Variants in CLEC5A observed in about 807,000 individuals in gnomAD.
CLEC5A encodes C-type lectin domain containing 5A.
A neutral mutation model predicts 24.4 loss-of-function variants in CLEC5A; 15 were observed. That is an observed-to-expected ratio of 0.62 (90% CI 0.41 to 0.95). The LOEUF (loss-of-function observed/expected upper bound fraction) is 0.95, where lower values mean the gene tolerates loss of function less well. CLEC5A is among the 40% of genes least tolerant of loss of function. The pLI is 0.00. For missense variants in CLEC5A, 211 were observed against 224.0 expected (o/e 0.94, Z 0.37); for synonymous variants, 71 against 72.6 (o/e 0.98, Z 0.11).
chr7:141,937,460 A>G (rs1802664926), intron 4 of CLEC5A, among the ~76,000 whole-genome samples: 1 of 152,104 alleles, frequency 6.6e-6, no homozygotes, highest in Non-Finnish European at 1.5e-5. Context: ...GGGAGGGAAG[A>G]GTGGAAAGAA....
intron 4 of CLEC5A, among the ~76,000 whole-genome samples, chr7:141,938,236 C>A (rs1802687753): frequency 6.6e-6 from 1 of 152,050 alleles, no homozygotes; most frequent in South Asian, 2.1e-4. Context: ...ACAGAGAATC[C>A]AAAATACCTG....
At chr7:141,942,073 A>C (rs1802811563) in intron 4 of CLEC5A, among the ~76,000 whole-genome samples, 1 of 152,126 alleles carries the variant, frequency 6.6e-6, no homozygotes, top group African/African-American at 2.4e-5. Flanking sequence ...AAACAGAAAA[A>C]ATTATCGTAA....
At chr7:141,943,755 C>G in intron 4 of CLEC5A, 141 bp downstream of exon 4, 1 of 660,530 alleles carries the variant, frequency 1.5e-6, no homozygotes, top group Non-Finnish European at 2.8e-6. Context: ...ATAATATGTA[C>G]AAAGAGAATG....
chr7:141,935,751 C>A, intron 5 of CLEC5A, 63 bp downstream of exon 5: 1 of 1,522,308 alleles, frequency 6.6e-7, no homozygotes, highest in Non-Finnish European at 9.1e-7. Context: ...AGTTTCTACC[C>A]CATCCCACCC....
At chr7:141,936,380 G>C (rs1285952) in intron 4 of CLEC5A, 239,821 of 242,056 alleles carry the variant, frequency 0.99, 118,849 homozygotes, top group East Asian at 1. Context: ...ATGGTAAAGT[G>C]TATGTGCATG....
chr7:141,940,261 T>C (rs1554441504), intron 4 of CLEC5A, among the ~76,000 whole-genome samples: 1 of 152,016 alleles, frequency 6.6e-6, no homozygotes, highest in Non-Finnish European at 1.5e-5. Flanking sequence ...TGGAATTAAA[T>C]AGAAGTCAGT....
rs76806935 is a variant in CLEC5A at position 141,934,151 on chromosome 7, C to T, written c.345+1663G>A. On this transcript the variant is annotated intron_variant, in intron 5 of 6. Coordinates refer to ENST00000546910, the MANE Select transcript of CLEC5A (RefSeq NM_013252.3). ...CATGCTAGGAGAACTGGCGTTTAAC[C>T]CACTTTAATTTGGAAAATGGTACAG... is the stretch of plus-strand genomic sequence containing the variant. 4.4e-3 allele frequency among the ~76,000 whole-genome samples: 669 copies of T among 152,202 alleles called. 7 individuals are homozygous for T. The highest frequency in any genetic ancestry group is 0.015 in the African/African-American group (627 of 41,534).
In CLEC5A at chr7:141,934,613, G is replaced by GTTT. The variant is rs577797546; in HGVS notation, c.345+1198_345+1200dup. On this transcript the variant is annotated intron_variant, in intron 5 of 6. Coordinates refer to ENST00000546910, the MANE Select transcript of CLEC5A (RefSeq NM_013252.3). ...GATGACCTTTGTCTTTTTCTTTAAC[G>GTTT]TTTTTTTTTTTTTTTTTTTTTTTTT... 2.7e-3 allele frequency among the ~76,000 whole-genome samples: 168 copies of GTTT among 61,800 alleles called. 7 individuals carry two copies. The highest frequency in any genetic ancestry group is 9.5e-3 in the African/African-American group (147 of 15,408). 40.5% of individuals were successfully genotyped at this position (61,800 alleles called of 152,430 possible). A position where few individuals can be genotyped will look rare whatever the true frequency, so the allele number is the denominator to read the frequency against.
intron 3 of CLEC5A, among the ~76,000 whole-genome samples, chr7:141,944,247 G>A (rs1372695169): frequency 6.6e-6 from 1 of 152,122 alleles, no homozygotes; most frequent in African/African-American, 2.4e-5. Context: ...AAAAGTAATG[G>A]AGGAATTTAG....
At chr7:141,931,398 A>T (rs941104215) in intron 6 of CLEC5A, 2 of 404,870 alleles carry the variant, frequency 4.9e-6, no homozygotes, top group Non-Finnish European at 8.7e-6. Context: ...AGAAATGCTC[A>T]GTGCTATGGA....
chr7:141,939,491 T>TAA (rs1311865354), intron 4 of CLEC5A, among the ~76,000 whole-genome samples: 1 of 151,076 alleles, frequency 6.6e-6, no homozygotes, highest in Non-Finnish European at 1.5e-5. Flanking sequence ...TCACCTTCAC[T>TAA]AAAAGGAAGA....
intron 4 of CLEC5A, 113 bp from the exon 5 acceptor site, chr7:141,936,063 G>A (rs1190890394): frequency 1.0e-5 from 9 of 871,462 alleles, no homozygotes; most frequent in South Asian, 8.9e-5. Flanking sequence ...AATTATATTG[G>A]TAAAAATTAT....
At position 141,930,237 on chromosome 7, in the gene CLEC5A, CAAAA is replaced by C. The variant is rs1398712644; in HGVS notation, c.453-23_453-20del. 6.4e-7 allele frequency: 1 copy of C among 1,571,502 alleles called. No homozygotes were observed. The highest frequency in any genetic ancestry group is 1.4e-5 in the African/African-American group (1 of 73,948). ...GGTAACACTAAATGAGAAAACAAAA[CAAAA>C]CAAAACAAACAAACAAAAAACAAAG... On this transcript the variant is annotated intron_variant, in intron 6 of 6. Coordinates refer to ENST00000546910, the MANE Select transcript of CLEC5A (RefSeq NM_013252.3).
chr7:141,931,597 G>A, intron 6 of CLEC5A, 123 bp downstream of exon 6: 2 of 625,968 alleles, frequency 3.2e-6, no homozygotes, highest in Non-Finnish European at 5.8e-6. Flanking sequence ...TTGGAAGAAA[G>A]GAGAAGAGCA....
intron 4 of CLEC5A, among the ~76,000 whole-genome samples, chr7:141,942,978 G>A: frequency 6.6e-6 from 1 of 152,108 alleles, no homozygotes; most frequent in East Asian, 1.9e-4. Context: ...ATTGTTGGTG[G>A]GAATGTAAAC....
At chr7:141,946,351 A>G in intron 1 of CLEC5A, 39 bp from the exon 2 acceptor site, 4 of 1,534,816 alleles carry the variant, frequency 2.6e-6, no homozygotes, top group South Asian at 2.4e-5. Flanking sequence ...GAATTCGGGT[A>G]CAAGGCTGCT....
rs1459380213 is a variant in CLEC5A at position 141,929,605 on chromosome 7, G to A, written c.*499C>T. On this transcript the variant is annotated 3_prime_UTR_variant, in exon 7 of 7. Coordinates refer to ENST00000546910, the MANE Select transcript of CLEC5A (RefSeq NM_013252.3). ...GCTCAGCACTAGGAGCCCTCCCCAA[G>A]GCCAAGCCTTAGTTCAGACTGAGGA... The A allele has an allele frequency of 6.5e-6, 1 of 152,910 alleles. No homozygotes were observed. Among genetic ancestry groups the A allele is most frequent in the Non-Finnish European group, 1.5e-5 (1 of 68,656 alleles). 9.5% of individuals were successfully genotyped at this position (152,910 alleles called of 1,614,324 possible). A position where few individuals can be genotyped will look rare whatever the true frequency, so the allele number is the denominator to read the frequency against.
At chr7:141,941,779 C>G (rs1802802137) in intron 4 of CLEC5A, among the ~76,000 whole-genome samples, 1 of 151,860 alleles carries the variant, frequency 6.6e-6, no homozygotes, top group African/African-American at 2.4e-5. Context: ...TTTCTATATG[C>G]CAACAGTGAA....
intron 4 of CLEC5A, among the ~76,000 whole-genome samples, chr7:141,941,884 T>C: frequency 6.6e-6 from 1 of 151,964 alleles, no homozygotes; most frequent in Admixed American, 6.6e-5. Flanking sequence ...AAGTGAAAGA[T>C]CTATACAATG....
Sources: allele counts gnomAD v4.1 joint callset (sites outside exome capture counted in the v4.1 genomes callset), GRCh38; gene constraint gnomAD v4.1.1; transcripts MANE v1.5; gene names NCBI Gene and HGNC (gene_info 2026-07-23, HGNC 2026-07-21).